The following FLG variants were observed in gnomAD, a reference collection of about 807,000 sequenced individuals.
The protein encoded by FLG is filaggrin, also known as epidermal filaggrin.
FLG carries 6 observed loss-of-function variants against 3.8 expected under a neutral mutation model. That is an observed-to-expected ratio of 1.60 (90% CI 0.87 to 3.15). FLG has a LOEUF of 3.15. Among genes scored for constraint, FLG ranks in the 30% most tolerant of loss-of-function variants. The pLI is 0.00. For synonymous variants in FLG, 2,551 were observed against 1,931.6 expected (o/e 1.32, Z -8.41); for missense variants, 7,595 against 5,050.9 (o/e 1.50, Z -15.27).
At position 152,310,394 on chromosome 1, in the gene FLG, C is replaced by G; in HGVS notation, c.4492G>C (p.Gly1498Arg). ...TCGTGGTAGGATCCCTGCCTTCCTCCTCTGCTTGACCCCGGGTGTCCACGA... is the reference window on the plus strand; with the variant it reads ...TCGTGGTAGGATCCCTGCCTTCCTCGTCTGCTTGACCCCGGGTGTCCACGA... ...TIRGHPGSSRGGRQGSYHEQS... is the reference protein window; with the variant it reads ...TIRGHPGSSRRGRQGSYHEQS... The change falls in exon 3 of 3, where the codon GGA becomes CGA. Residue 1498 changes from glycine (G) to arginine (R), a missense_variant. By Grantham distance (125) the Gly-to-Arg change is moderately radical. Coordinates refer to ENST00000368799, the MANE Select transcript of FLG (RefSeq NM_002016.2). The G allele has an allele frequency of 6.2e-7, 1 of 1,613,692 alleles. No individual in the cohort carries two copies. Among genetic ancestry groups the G allele is most frequent in the Non-Finnish European group, 8.5e-7 (1 of 1,179,950 alleles).
At position 152,307,027 on chromosome 1, in the gene FLG, G is replaced by A. The variant is rs749120042; in HGVS notation, c.7859C>T (p.Ala2620Val). 1 of 1,601,054 alleles carries A rather than the reference G, an allele frequency of 6.2e-7. No individual in the cohort carries two copies. The highest frequency in any genetic ancestry group is 1.4e-5 in the African/African-American group (1 of 69,524). ...QEDRAGHGHS[A>V]DSSRQSGTRH... is the part of the protein sequence containing the mutation. Reference sequence around the variant, plus strand: ...AGTGCCTGATTGTCTGGAGCTGTCTGCAGAGTGCCCATGACCAGCTCTGTC... The same window carrying A: ...AGTGCCTGATTGTCTGGAGCTGTCTACAGAGTGCCCATGACCAGCTCTGTC... Residue 2620 changes from alanine (A) to valine (V), a missense_variant, in exon 3 of 3, where the codon GCA becomes GTA. Physicochemically the swap from Ala to Val is moderately conservative, Grantham distance 64 (BLOSUM62 0). Coordinates refer to ENST00000368799, the MANE Select transcript of FLG (RefSeq NM_002016.2).
rs1557882660 is a variant in FLG at position 152,314,369 on chromosome 1, ATT to A, written c.515_516del (p.Glu172ValfsTer7). The A allele has an allele frequency of 6.2e-7, 1 of 1,612,474 alleles. No individual in the cohort carries two copies. The highest frequency in any genetic ancestry group is 1.3e-5 in the African/African-American group (1 of 74,806). On this transcript the variant is annotated frameshift_variant, in exon 3 of 3. Coordinates refer to ENST00000368799, the MANE Select transcript of FLG (RefSeq NM_002016.2). LOFTEE classifies it low-confidence loss of function (END_TRUNC). ...CTTGAGTTATGATGGTTTTTTCCAT[ATT>A]CTTCTTCTCTATGAGTAGGTGAATA... ...KGYSPTHREEEYGKNHHNSSK... is the reference protein window; with the variant it reads ...KGYSPTHREEXYGKNHHNSSK...
rs866141505 is a variant in FLG at position 152,307,328 on chromosome 1, C to G, written c.7558G>C (p.Asp2520His). Reference sequence around the variant, plus strand: ...CTGGAGCCGTCTCCTGATTGTTCATCGTTACGAGTTTGTCTGCTTGCACTT... The same window carrying G: ...CTGGAGCCGTCTCCTGATTGTTCATGGTTACGAGTTTGTCTGCTTGCACTT... The part of the protein sequence containing the change: ...SRSASRQTRN[D>H]EQSGDGSRHS... Residue 2520 changes from aspartate (D) to histidine (H), a missense_variant, in exon 3 of 3, where the codon GAT (aspartate) becomes CAT (histidine). Transcript: ENST00000368799. 1.2e-6 allele frequency: 2 copies of G among 1,612,624 alleles called. No homozygotes were observed. Among genetic ancestry groups the G allele is most frequent in the African/African-American group, 1.3e-5 (1 of 74,584 alleles).
chr1:152,303,395 G>T lies in FLG; in HGVS notation c.11491C>A (p.His3831Asn). The T allele has an allele frequency of 6.2e-7, 1 of 1,614,094 alleles. No homozygotes were observed. The highest frequency in any genetic ancestry group is 8.5e-7 in the Non-Finnish European group (1 of 1,180,016). The change falls in exon 3 of 3, where the codon CAT (histidine) becomes AAT (asparagine). Residue 3831 changes from histidine to asparagine, a missense_variant. His to Asn is a moderately conservative substitution (Grantham distance 68). Transcript: ENST00000368799. Reference sequence around the variant, plus strand: ...CTGTCAGCCTGAGTGGAAGCTTCATGGTGACGCGACCCTGAGTGCCTGGAG... The same window carrying T: ...CTGTCAGCCTGAGTGGAAGCTTCATTGTGACGCGACCCTGAGTGCCTGGAG... ...DGSRHSGSRH[H>N]EASTQADSSR...
rs753536196 is a variant in FLG at position 152,310,611 on chromosome 1, C to T, written c.4275G>A (p.Glu1425=). The change falls in exon 3 of 3, where the codon GAG becomes GAA. Residue 1425 remains glutamate, a synonymous_variant. Transcript: ENST00000368799. ...TTTCCCCTGACTGGCCACGTGCGGACTCTTTGTGGCTCTGCTGATGGGGCC... is the reference window on the plus strand; with the variant it reads ...TTTCCCCTGACTGGCCACGTGCGGATTCTTTGTGGCTCTGCTGATGGGGCC... The part of the protein sequence containing the change: ...QAGPHQQSHK[E]SARGQSGESS... The T allele has an allele frequency of 1.2e-6, 2 of 1,613,980 alleles. No individual in the cohort carries two copies. The highest frequency in any genetic ancestry group is 8.5e-7 in the Non-Finnish European group (1 of 1,179,996).
At position 152,313,868 on chromosome 1, in the gene FLG, C is replaced by T; in HGVS notation, c.1018G>A (p.Asp340Asn). The part of the protein sequence containing the change: ...RDGSRHPRSH[D>N]EDRASHGHSA... ...TGCCCATGACTGGCTCTGTCTTCAT[C>T]ATGGGACCTGGGGTGTCTGGAGCCA... The change falls in exon 3 of 3, where the codon GAT (aspartate) becomes AAT (asparagine). Residue 340 changes from aspartate to asparagine, a missense_variant. Physicochemically the swap from Asp to Asn is conservative, Grantham distance 23. Coordinates refer to ENST00000368799, the MANE Select transcript of FLG (RefSeq NM_002016.2). 3.1e-6 allele frequency: 5 copies of T among 1,613,930 alleles called. No individual in the cohort carries two copies. The highest frequency in any genetic ancestry group is 4.2e-6 in the Non-Finnish European group (5 of 1,179,922).
chr1:152,311,799 T>C lies in FLG; in HGVS notation c.3087A>G (p.Pro1029=), dbSNP rs1270801173. Residue 1029 remains proline, a synonymous_variant, in exon 3 of 3, where the codon CCA becomes CCG. Transcript: ENST00000368799. ...ASSHEQARSS[P]GERHGSRHQQ... is the part of the protein sequence containing the mutation. ...GGTGGCGGGATCCGTGTCTTTCTCC[T>C]GGACTTGATCTTGCCTGTTCATGGG... The C allele has an allele frequency of 6.2e-7, 1 of 1,613,982 alleles. No homozygotes were observed. Among genetic ancestry groups the C allele is most frequent in the African/African-American group, 1.3e-5 (1 of 74,910 alleles).
rs529642347 is a variant in FLG at position 152,312,452 on chromosome 1, G to A, written c.2434C>T (p.Pro812Ser). The part of the protein sequence containing the change: ...QSESSHGWTG[P>S]STGVRQGSHH... ...GATCCTTGTCTTACTCCAGTGCTGG[G>A]CCCTGTCCATCCATGGGAGGACTCA... The change falls in exon 3 of 3, where the codon CCC becomes TCC. Residue 812 changes from proline to serine, a missense_variant. Physicochemically the swap from Pro to Ser is moderately conservative, Grantham distance 74. Transcript: ENST00000368799. 1 of 1,613,344 alleles carries A rather than the reference G, an allele frequency of 6.2e-7. No individual in the cohort carries two copies. Among genetic ancestry groups the A allele is most frequent in the Non-Finnish European group, 8.5e-7 (1 of 1,179,868 alleles).
At chr1:152,317,512 A>G (rs1014097536) in intron 1 of FLG, among the ~76,000 whole-genome samples, 2 of 152,030 alleles carry the variant, frequency 1.3e-5, no homozygotes, top group African/African-American at 4.8e-5. Context: ...AACTGGCTTC[A>G]TCCTTCTTCA....
rs1652105386 is a variant in FLG, at chr1:152,308,085, A to G, written c.6801T>C (p.His2267=). 6.2e-7 allele frequency: 1 copy of G among 1,613,662 alleles called. No homozygotes were observed. Among genetic ancestry groups the G allele is most frequent in the Non-Finnish European group, 8.5e-7 (1 of 1,179,942 alleles). Residue 2267 remains histidine (H), a synonymous_variant, in exon 3 of 3, where the codon CAT becomes CAC. Coordinates refer to ENST00000368799, the MANE Select transcript of FLG (RefSeq NM_002016.2). ...TTGACTGCTCCTGAGCAGATCCATG[A>G]TGGTTTCTGGACGCAGACCCAGACC... The part of the protein sequence containing the change: ...ERRSGSASRN[H]HGSAQEQSRD...
In FLG at chr1:152,303,546, C is replaced by A. The variant is rs577463785; in HGVS notation, c.11340G>T (p.Arg3780Ser). The A allele has an allele frequency of 1.4e-5, 23 of 1,614,086 alleles. No individual in the cohort carries two copies. The South Asian group carries it at 1.5e-4, about 11-fold the overall frequency. The change falls in exon 3 of 3, where the codon AGG (arginine) becomes AGT (serine). Residue 3780 changes from arginine (R) to serine (S), a missense_variant. Arg to Ser is a moderately radical substitution (Grantham distance 110, BLOSUM62 -1). Transcript: ENST00000368799. ...QGSYHEQSVD[R>S]SGHSGSHHSH... ...TGTGATGGGACCCTGAGTGTCCAGA[C>A]CTATCTACCGATTGCTCGTGGTAGG...
chr1:152,302,618 G>A lies in FLG; in HGVS notation c.*82C>T, dbSNP rs1651678293. The A allele has an allele frequency of 2.4e-5, 37 of 1,549,468 alleles. 1 individual carries two copies. The South Asian group carries it at 4.4e-4, about 18-fold the overall frequency. ...ATTGACAGGAAAAGATAACTTCCCT[G>A]AAAGTATTATGAAGTTTCTTGATTG... is the stretch of plus-strand genomic sequence containing the variant. On this transcript the variant is annotated 3_prime_UTR_variant, in exon 3 of 3. Coordinates refer to ENST00000368799, the MANE Select transcript of FLG (RefSeq NM_002016.2).
At position 152,307,864 on chromosome 1, in the gene FLG, G is replaced by C; in HGVS notation, c.7022C>G (p.Ser2341Cys). 6.2e-7 allele frequency: 1 copy of C among 1,613,098 alleles called. No individual in the cohort carries two copies. Among genetic ancestry groups the C allele is most frequent in the Non-Finnish European group, 8.5e-7 (1 of 1,179,706 alleles). Residue 2341 changes from serine (S) to cysteine (C), a missense_variant, in exon 3 of 3, where the codon TCC becomes TGC. Coordinates refer to ENST00000368799, the MANE Select transcript of FLG (RefSeq NM_002016.2). ...GSHHQQSADS[S>C]RHSGIGHGQA... ...TCCGTGCCCAATGCCTGAGTGTCTG[G>C]AGCTGTCTGCTGACTGCTGGTGGTG...
Position 152,309,648 on chromosome 1 carries a change from G to T in FLG, c.5238C>A (p.Ser1746Arg). 1.2e-6 allele frequency: 2 copies of T among 1,613,664 alleles called. No individual in the cohort carries two copies. The highest frequency in any genetic ancestry group is 2.2e-5 in the East Asian group (1 of 44,776). The change falls in exon 3 of 3, where the codon AGC (serine) becomes AGA (arginine). Residue 1746 changes from serine to arginine, a missense_variant. By Grantham distance (110) the Ser-to-Arg change is moderately radical. Coordinates refer to ENST00000368799, the MANE Select transcript of FLG (RefSeq NM_002016.2). ...ACTGGCCACGTGTGGACTCTTGGTG[G>T]CTCTGCTGATGGGGCCCAGCCTGTC... ...AHGQAGPHQQ[S>R]HQESTRGQSG... is the part of the protein sequence containing the mutation.
At position 152,314,388 on chromosome 1, in the gene FLG, A is replaced by C. The variant is rs768170730; in HGVS notation, c.498T>G (p.Pro166=). The change falls in exon 3 of 3, where the codon CCT becomes CCG. Residue 166 remains proline (P), a synonymous_variant. Coordinates refer to ENST00000368799, the MANE Select transcript of FLG (RefSeq NM_002016.2). ...TTCCATATTCTTCTTCTCTATGAGT[A>C]GGTGAATATCCTTTTCTTTCTTTTT... The part of the protein sequence containing the change: ...SEKKERKGYS[P]THREEEYGKN... The C allele has an allele frequency of 2.5e-6, 4 of 1,613,004 alleles. No homozygotes were observed.
chr1:152,313,082 G>T lies in FLG; in HGVS notation c.1804C>A (p.Gln602Lys), dbSNP rs765652640. ...SSQADSSRHSQVGQGQSSGPR... is the reference protein window; with the variant it reads ...SSQADSSRHSKVGQGQSSGPR... Reference sequence around the variant, plus strand: ...CCCGATGATTGTCCCTGGCCCACCTGTGAGTGTCTAGAGCTGTCAGCCTGA... The same window carrying T: ...CCCGATGATTGTCCCTGGCCCACCTTTGAGTGTCTAGAGCTGTCAGCCTGA... The change falls in exon 3 of 3, where the codon CAG (glutamine) becomes AAG (lysine). Residue 602 changes from glutamine (Q) to lysine (K), a missense_variant. Transcript: ENST00000368799. 2 of 1,613,790 alleles carry T rather than the reference G, an allele frequency of 1.2e-6. No individual in the cohort carries two copies. Among genetic ancestry groups the T allele is most frequent in the African/African-American group, 1.3e-5 (1 of 74,758 alleles).
chr1:152,311,885 T>G lies in FLG; in HGVS notation c.3001A>C (p.Ser1001Arg), dbSNP rs199551719. ...DRAGHGHSAD[S>R]SRQSGTPHAE... is the part of the protein sequence containing the mutation. ...TGAGGAGTTCCTGATTGTCTGGAGC[T>G]GTCTGCAGAGTGCCCGTGACCGGCT... The change falls in exon 3 of 3, where the codon AGC (serine) becomes CGC (arginine). Residue 1001 changes from serine (S) to arginine (R), a missense_variant. By Grantham distance (110) the Ser-to-Arg change is moderately radical. Transcript: ENST00000368799. 4.9e-5 allele frequency: 79 copies of G among 1,614,052 alleles called. No individual in the cohort carries two copies. Among genetic ancestry groups the G allele is most frequent in the Middle Eastern group, 1.6e-4 (1 of 6,084 alleles).
chr1:152,303,607 C>G lies in FLG; in HGVS notation c.11279G>C (p.Gly3760Ala), dbSNP rs768192328. ...TCCTCCTCTCCTTGACCCCGGGTGT[C>G]CACGAATGGTGTCCTGACCCTCTTG... ...ASQEGQDTIRGHPGSRRGGRQ... is the reference protein window; with the variant it reads ...ASQEGQDTIRAHPGSRRGGRQ... The change falls in exon 3 of 3, where the codon GGA (glycine) becomes GCA (alanine). Residue 3760 changes from glycine (G) to alanine (A), a missense_variant. By Grantham distance (60) the Gly-to-Ala change is moderately conservative (BLOSUM62 0). Transcript: ENST00000368799. 4 of 1,613,636 alleles carry G rather than the reference C, an allele frequency of 2.5e-6. No homozygotes were observed.
chr1:152,306,025 T>G lies in FLG; in HGVS notation c.8861A>C (p.His2954Pro), dbSNP rs1651937902. ...ADSSRQSGTRHTQTSSGGQAA... is the reference protein window; with the variant it reads ...ADSSRQSGTRPTQTSSGGQAA... ...CTGTCCACCAGAGGAAGTCTGTGTGTGACGAGTGCCTGATTGTCTGGAGCT... is the reference window on the plus strand; with the variant it reads ...CTGTCCACCAGAGGAAGTCTGTGTGGGACGAGTGCCTGATTGTCTGGAGCT... The change falls in exon 3 of 3, where the codon CAC becomes CCC. Residue 2954 changes from histidine (H) to proline (P), a missense_variant. His to Pro is a moderately conservative substitution (Grantham distance 77). Transcript: ENST00000368799. The G allele has an allele frequency of 6.3e-7, 1 of 1,590,252 alleles. No individual in the cohort carries two copies. Among genetic ancestry groups the G allele is most frequent in the Non-Finnish European group, 8.5e-7 (1 of 1,177,290 alleles).
Sources: gnomAD v4.1 joint callset for allele counts (sites outside exome capture counted in the v4.1 genomes callset) on GRCh38, gnomAD v4.1.1 for gene constraint, MANE v1.5 for transcripts, NCBI Gene and HGNC (gene_info 2026-07-23, HGNC 2026-07-21) for gene names.